NCKAP5: variants seen among roughly 807,000 people sequenced by gnomAD.
The protein encoded by NCKAP5 is NCK associated protein 5, also known as nck-associated protein 5.
Under a neutral mutation model 167.0 loss-of-function variants are expected in NCKAP5, and 92 were observed. That is an observed-to-expected ratio of 0.55 (90% CI 0.47 to 0.66). The LOEUF is 0.66. NCKAP5 is among the 30% of genes least tolerant of loss of function. The pLI, the probability that NCKAP5 is intolerant of heterozygous loss-of-function variation, is 0.00. For missense variants in NCKAP5, 2,378 were observed against 2,315.0 expected (o/e 1.03, Z -0.56); for synonymous variants, 891 against 877.4 (o/e 1.02, Z -0.27).
At chr2:132,800,486 T>C (rs952465895) in intron 11 of NCKAP5, among the ~76,000 whole-genome samples, 1 of 152,206 alleles carries the variant, frequency 6.6e-6, no homozygotes, top group Non-Finnish European at 1.5e-5. Context: ...TAGAGACTCC[T>C]AATTTCACAC....
At chr2:132,895,213 C>T (rs1298710690) in intron 8 of NCKAP5, among the ~76,000 whole-genome samples, 1 of 151,834 alleles carries the variant, frequency 6.6e-6, no homozygotes, top group Non-Finnish European at 1.5e-5. Flanking sequence ...CGCCTGTAGT[C>T]CCAGCTACTC....
intron 3 of NCKAP5, among the ~76,000 whole-genome samples, chr2:133,329,387 G>A (rs975853018): frequency 6.6e-6 from 1 of 152,024 alleles, no homozygotes; most frequent in Non-Finnish European, 1.5e-5. Context: ...GTTTCCAGTT[G>A]GCCTAGCAAA....
intron 8 of NCKAP5, among the ~76,000 whole-genome samples, chr2:132,938,269 C>T (rs1697007560): frequency 6.6e-6 from 1 of 152,154 alleles, no homozygotes; most frequent in African/African-American, 2.4e-5. Context: ...TCAGAGGATA[C>T]AGTAGAGAAC....
At chr2:133,481,525 C>T (rs980628176) in intron 3 of NCKAP5, among the ~76,000 whole-genome samples, 1 of 152,108 alleles carries the variant, frequency 6.6e-6, no homozygotes, top group Non-Finnish European at 1.5e-5. Flanking sequence ...ACTATTTTGT[C>T]ACCCAGGTAT....
intron 3 of NCKAP5, among the ~76,000 whole-genome samples, chr2:133,508,731 G>A (rs1450057195): frequency 6.6e-6 from 1 of 152,208 alleles, no homozygotes; most frequent in Non-Finnish European, 1.5e-5. Context: ...GGAAAACTCA[G>A]TTGCCATGGA....
intron 3 of NCKAP5, among the ~76,000 whole-genome samples, chr2:133,483,014 A>C (rs1269848530): frequency 6.6e-6 from 1 of 152,164 alleles, no homozygotes; most frequent in Non-Finnish European, 1.5e-5. Flanking sequence ...ACAGCTTTCC[A>C]TTGCCACTTT....
chr2:133,462,450 G>T (rs1046104649), intron 3 of NCKAP5, among the ~76,000 whole-genome samples: 24 of 152,110 alleles, frequency 1.6e-4, no homozygotes, highest in Non-Finnish European at 1.0e-4. Flanking sequence ...GTGTATGTTT[G>T]TTTTATATTT....
chr2:133,315,405 G>T (rs1448861748), intron 3 of NCKAP5, among the ~76,000 whole-genome samples: 6 of 152,134 alleles, frequency 3.9e-5, no homozygotes, highest in African/African-American at 1.4e-4. Context: ...GTGCTATTTT[G>T]GGGTAAATTT....
chr2:133,214,286 C>T (rs1305238501), intron 4 of NCKAP5, among the ~76,000 whole-genome samples: 4 of 152,104 alleles, frequency 2.6e-5, no homozygotes, highest in Non-Finnish European at 5.9e-5. Context: ...TTGAGCCTGA[C>T]AACAATCCCA....
At chr2:133,525,751 G>A (rs938545141) in intron 2 of NCKAP5, among the ~76,000 whole-genome samples, 3 of 151,946 alleles carry the variant, frequency 2.0e-5, no homozygotes, top group Non-Finnish European at 4.4e-5. Context: ...CTCTCAGTGG[G>A]GACACAAAGA....
At chr2:133,177,473 C>T (rs1044811133) in intron 5 of NCKAP5, among the ~76,000 whole-genome samples, 1 of 152,032 alleles carries the variant, frequency 6.6e-6, no homozygotes, top group African/African-American at 2.4e-5. Context: ...TTCACTTTAC[C>T]CCCTTAAACC....
At chr2:133,243,252 G>A (rs942826169) in intron 4 of NCKAP5, among the ~76,000 whole-genome samples, 3 of 152,168 alleles carry the variant, frequency 2.0e-5, no homozygotes, top group East Asian at 1.9e-4. Context: ...AACCTTTCCT[G>A]TAAGTCCCTT....
intron 8 of NCKAP5, among the ~76,000 whole-genome samples, chr2:132,958,209 G>A (rs752468427): frequency 6.6e-6 from 1 of 152,064 alleles, no homozygotes; most frequent in Non-Finnish European, 1.5e-5. Context: ...CAGTGTTTGG[G>A]ATATACTAAG....
intron 5 of NCKAP5, among the ~76,000 whole-genome samples, chr2:133,212,826 C>T (rs959602060): frequency 3.3e-5 from 5 of 152,230 alleles, no homozygotes; most frequent in African/African-American, 1.2e-4. Flanking sequence ...TACTCTAGCC[C>T]TTTGATTTCC....
chr2:133,481,795 T>C (rs898847623), intron 3 of NCKAP5, among the ~76,000 whole-genome samples: 2 of 152,242 alleles, frequency 1.3e-5, no homozygotes, highest in African/African-American at 4.8e-5. Flanking sequence ...TAGTATTTCA[T>C]GGTGTGTATG....
chr2:132,859,515 G>T (rs1346929061), intron 11 of NCKAP5, among the ~76,000 whole-genome samples: 1 of 152,120 alleles, frequency 6.6e-6, no homozygotes, highest in Non-Finnish European at 1.5e-5. Flanking sequence ...GTTGGACATA[G>T]AAACTTAATT....
chr2:132,913,205 A>G (rs1694593052), intron 8 of NCKAP5, among the ~76,000 whole-genome samples: 1 of 152,042 alleles, frequency 6.6e-6, no homozygotes, highest in South Asian at 2.1e-4. Flanking sequence ...TTCCTACATA[A>G]CACAGTCAGT....
chr2:132,912,818 A>G (rs959291283), intron 8 of NCKAP5, among the ~76,000 whole-genome samples: 1 of 152,198 alleles, frequency 6.6e-6, no homozygotes, highest in Non-Finnish European at 1.5e-5. Context: ...CGTTTAAATC[A>G]GGTGAGATTA....
chr2:133,619,954 C>T, the NCKAP5 span, among the ~76,000 whole-genome samples: 2 of 152,080 alleles, frequency 1.3e-5, no homozygotes, highest in African/African-American at 4.8e-5. Context: ...TACTTTTAGC[C>T]TCCTTAAACA....
Sources: gnomAD v4.1 joint callset for allele counts (sites outside exome capture counted in the v4.1 genomes callset) on GRCh38, gnomAD v4.1.1 for gene constraint, MANE v1.5 for transcripts, NCBI Gene and HGNC (gene_info 2026-07-23, HGNC 2026-07-21) for gene names.